SDK1: variants seen among roughly 807,000 people sequenced by gnomAD.
The protein encoded by SDK1 is sidekick cell adhesion molecule 1.
A neutral mutation model predicts 245.5 loss-of-function variants in SDK1; 157 were observed. That is an observed-to-expected ratio of 0.64 (90% CI 0.56 to 0.73). The LOEUF (loss-of-function observed/expected upper bound fraction) is 0.73, where lower values mean the gene tolerates loss of function less well. SDK1 is among the 30% of genes least tolerant of loss of function. SDK1 has a pLI of 0.00. For synonymous variants in SDK1, 1,647 were observed against 1,278.5 expected, an observed-to-expected ratio of 1.29 and a Z score of -6.15; for missense variants, 3,583 against 3,002.3, an observed-to-expected ratio of 1.19 and a Z score of -4.52.
At chr7:3,989,087 G>C (rs1194553967) in intron 14 of SDK1, among the ~76,000 whole-genome samples, 4 of 152,172 alleles carry the variant, frequency 2.6e-5, no homozygotes, top group African/African-American at 9.6e-5. Flanking sequence ...TAAGCTGCCG[G>C]CCTCCCTCTG....
At chr7:3,904,244 T>C (rs959164215) in intron 5 of SDK1, among the ~76,000 whole-genome samples, 1 of 152,054 alleles carries the variant, frequency 6.6e-6, no homozygotes, top group Non-Finnish European at 1.5e-5. Flanking sequence ...CACAAATCTA[T>C]AGAGACAGAA....
At chr7:3,845,753 T>A (rs992592487) in intron 5 of SDK1, among the ~76,000 whole-genome samples, 11 of 152,002 alleles carry the variant, frequency 7.2e-5, no homozygotes, top group Non-Finnish European at 1.6e-4. Flanking sequence ...ATTTGCAGTG[T>A]TTATTTAACA....
intron 5 of SDK1, among the ~76,000 whole-genome samples, chr7:3,870,045 A>G (rs1780919315): frequency 6.6e-6 from 1 of 152,230 alleles, no homozygotes. Context: ...GAGTTCTGTC[A>G]TTGCATCATT....
chr7:4,245,789 A>T lies in SDK1; in HGVS notation c.6365A>T (p.Asp2122Val), dbSNP rs1206021361. The T allele has an allele frequency of 6.2e-7, 1 of 1,613,894 alleles. No individual in the cohort carries two copies. The highest frequency in any genetic ancestry group is 8.5e-7 in the Non-Finnish European group (1 of 1,179,948). The change falls in exon 44 of 45, where the codon GAT becomes GTT. Residue 2122 changes from aspartate to valine, a missense_variant. Physicochemically the swap from Asp to Val is radical, Grantham distance 152. Coordinates refer to ENST00000404826, the MANE Select transcript of SDK1 (RefSeq NM_152744.4). The stretch of plus-strand genomic sequence containing the variant: ...GTGAGCCTCAAGGAGAAGTCGGCAG[A>T]TGCATCAGAATCTGAGGTCAGTGTC... The part of the protein sequence containing the change: ...ESVSLKEKSA[D>V]ASESEATDSD...
chr7:3,804,133 A>G (rs1460802990), intron 4 of SDK1, among the ~76,000 whole-genome samples: 1 of 152,170 alleles, frequency 6.6e-6, no homozygotes, highest in Non-Finnish European at 1.5e-5. Flanking sequence ...AATTGACTGA[A>G]TTTTTTAACT....
At chr7:3,436,767 A>G (rs915710238) in intron 1 of SDK1, among the ~76,000 whole-genome samples, 4 of 152,132 alleles carry the variant, frequency 2.6e-5, no homozygotes, top group Non-Finnish European at 5.9e-5. Context: ...CTTTGTCCTC[A>G]CTGTCTTCCC....
intron 22 of SDK1, among the ~76,000 whole-genome samples, chr7:4,097,952 C>T (rs879790364): frequency 6.6e-6 from 1 of 151,546 alleles, no homozygotes; most frequent in Non-Finnish European, 1.5e-5. Context: ...AAACGGGCCT[C>T]ATTTTTTGTT....
chr7:4,075,361 A>G (rs1396145611), intron 20 of SDK1, among the ~76,000 whole-genome samples: 1 of 152,222 alleles, frequency 6.6e-6, no homozygotes, highest in East Asian at 1.9e-4. Context: ...AAGTCTCAAG[A>G]TGCTGTCCTC....
intron 1 of SDK1, among the ~76,000 whole-genome samples, chr7:3,358,751 A>G (rs937564531): frequency 1.3e-5 from 2 of 152,236 alleles, no homozygotes; most frequent in African/African-American, 2.4e-5. Flanking sequence ...AGGTCTTTAT[A>G]CGTACTTGCG....
Position 3,962,639 on chromosome 7 carries a change from A to T in SDK1, c.1235-18A>T, listed in dbSNP as rs1781789122. The T allele has an allele frequency of 3.8e-6, 6 of 1,577,270 alleles. No homozygotes were observed. In the East Asian group the frequency reaches 1.4e-4, roughly 36 times the overall value. On this transcript the variant is annotated intron_variant, in intron 8 of 44. Transcript: ENST00000404826. ...AGGAATTATTTTTAAAATCCTATTT[A>T]TTCCCATTCCTACGCAGGGGTCCCC...
intron 5 of SDK1, among the ~76,000 whole-genome samples, chr7:3,899,096 CTGTG>C (rs1781696733): frequency 6.6e-6 from 1 of 152,084 alleles, no homozygotes; most frequent in African/African-American, 2.4e-5. Flanking sequence ...ATCATATTTC[CTGTG>C]ATCCTGTCAG....
chr7:3,636,073 G>C (rs2128649826), intron 2 of SDK1, among the ~76,000 whole-genome samples: 1 of 152,220 alleles, frequency 6.6e-6, no homozygotes, highest in Admixed American at 6.5e-5. Context: ...GATCAACATA[G>C]AAAAAGCTGT....
At chr7:4,239,681 G>C (rs1165118697) in intron 42 of SDK1, among the ~76,000 whole-genome samples, 1 of 152,164 alleles carries the variant, frequency 6.6e-6, no homozygotes, top group Non-Finnish European at 1.5e-5. Context: ...GGCCTGTTTT[G>C]ATCCTACGGA....
chr7:3,772,753 C>T (rs1453267992), intron 4 of SDK1, among the ~76,000 whole-genome samples: 1 of 152,100 alleles, frequency 6.6e-6, no homozygotes, highest in Non-Finnish European at 1.5e-5. Context: ...TTTTGCAGAG[C>T]AGTCTACAGG....
At chr7:3,511,336 G>C (rs1235196538) in intron 1 of SDK1, among the ~76,000 whole-genome samples, 1 of 152,080 alleles carries the variant, frequency 6.6e-6, no homozygotes, top group Non-Finnish European at 1.5e-5. Context: ...TTGAGATTTT[G>C]CATTTGATTT....
chr7:3,993,145 C>T (rs1673182674), intron 14 of SDK1, among the ~76,000 whole-genome samples: 1 of 152,202 alleles, frequency 6.6e-6, no homozygotes, highest in African/African-American at 2.4e-5. Context: ...AGTGAGTCGG[C>T]ATTGCACAGT....
At chr7:3,800,188 G>A (rs1779070563) in intron 4 of SDK1, among the ~76,000 whole-genome samples, 1 of 151,878 alleles carries the variant, frequency 6.6e-6, no homozygotes, top group Non-Finnish European at 1.5e-5. Flanking sequence ...AATATTATGG[G>A]GGAACACAAA....
intron 35 of SDK1, among the ~76,000 whole-genome samples, chr7:4,186,361 T>C (rs1782894972): frequency 6.6e-6 from 1 of 152,152 alleles, no homozygotes; most frequent in Non-Finnish European, 1.5e-5. Flanking sequence ...CCACCCCGGC[T>C]GCTGGGACCC....
chr7:3,372,164 T>G (rs775146124), intron 1 of SDK1, among the ~76,000 whole-genome samples: 7 of 152,150 alleles, frequency 4.6e-5, no homozygotes, highest in African/African-American at 1.4e-4. Context: ...CCTTAGATTT[T>G]AGGTTATGTC....
Sources: allele counts gnomAD v4.1 joint callset (sites outside exome capture counted in the v4.1 genomes callset), GRCh38; gene constraint gnomAD v4.1.1; transcripts MANE v1.5; gene names NCBI Gene and HGNC (gene_info 2026-07-23, HGNC 2026-07-21).